Variants in GANAB observed in about 807,000 individuals in gnomAD.
GANAB encodes glucosidase II alpha subunit.
In GANAB, 35 loss-of-function variants were observed where a neutral mutation model predicts 129.9. That is an observed-to-expected ratio of 0.27 (90% CI 0.21 to 0.36). The LOEUF (loss-of-function observed/expected upper bound fraction) is 0.36, where lower values mean the gene tolerates loss of function less well. Among genes scored for constraint, GANAB ranks in the 10% least tolerant of loss-of-function variants. The pLI is 1.00. For missense variants in GANAB, 939 were observed against 1,221.0 expected, an observed-to-expected ratio of 0.77 and a Z score of 3.44; for synonymous variants, 482 against 451.8, an observed-to-expected ratio of 1.07 and a Z score of -0.85.
Position 62,646,582 on chromosome 11 carries a change from TGCCGCTACC to T in GANAB, c.9_17del (p.Val7_Ala9del), listed in dbSNP as rs1405074165. On this transcript the variant is annotated inframe_deletion, in exon 1 of 24. Transcript: ENST00000356638. ...CTCACCGCCTCCTACGCGCCGCCAC[TGCCGCTACC>T]GCCGCCATCTTGTGCAGAGTTTGCT... 5.0e-6 allele frequency: 8 copies of T among 1,613,708 alleles called. No homozygotes were observed. Among genetic ancestry groups the T allele is most frequent in the South Asian group, 1.1e-5 (1 of 91,088 alleles).
chr11:62,639,771 G>T, intron 1 of GANAB, 40 bp from the exon 2 acceptor site: 2 of 1,355,928 alleles, frequency 1.5e-6, no homozygotes, highest in Non-Finnish European at 2.1e-6. Context: ...TCAGCATGGA[G>T]GTCAGAAGGG....
In GANAB at chr11:62,633,277, A is replaced by C; in HGVS notation, c.631-6T>G. 1 of 1,608,872 alleles carries C rather than the reference A, an allele frequency of 6.2e-7. No individual in the cohort carries two copies. Among genetic ancestry groups the C allele is most frequent in the South Asian group, 1.1e-5 (1 of 90,948 alleles). ...TTCCCCTGAGTCTCCTCTGGCTGTT[A>C]AGAAGAAAAGAGGACCACTCTCCAA... On this transcript the variant is annotated splice_region_variant and splice_polypyrimidine_tract_variant and intron_variant, in intron 6 of 23. Transcript: ENST00000356638.
At chr11:62,642,266 G>C (rs1944304927) in intron 1 of GANAB, among the ~76,000 whole-genome samples, 1 of 151,970 alleles carries the variant, frequency 6.6e-6, no homozygotes, top group African/African-American at 2.4e-5. Context: ...TGTTGCCCAG[G>C]CTGGTCTTAA....
chr11:62,640,251 A>AAAAAAAAAAAAAAAC (rs1944175948), intron 1 of GANAB, among the ~76,000 whole-genome samples: 2 of 121,422 alleles, frequency 1.6e-5, no homozygotes, highest in African/African-American at 3.0e-5. Flanking sequence ...AAAAAAAAAA[A>AAAAAAAAAAAAAAAC]AGCCAGGCGC....
At position 62,632,634 on chromosome 11, in the gene GANAB, G is replaced by A. The variant is rs766357143; in HGVS notation, c.927C>T (p.Arg309=). Reference sequence around the variant, plus strand: ...CATTGAGCCAGAAGATGCCCAAGTCGCGATGAGGGTTGTGTGCCAGGAGCA... The same window carrying A: ...CATTGAGCCAGAAGATGCCCAAGTCACGATGAGGGTTGTGTGCCAGGAGCA... ...VPVLLAHNPH[R]DLGIFWLNAA... is the part of the protein sequence containing the mutation. The change falls in exon 9 of 24, where the codon CGC becomes CGT. Residue 309 remains arginine, a synonymous_variant. Coordinates refer to ENST00000356638, the MANE Select transcript of GANAB (RefSeq NM_198334.3). 1.8e-5 allele frequency: 29 copies of A among 1,613,820 alleles called. No homozygotes were observed. Among genetic ancestry groups the A allele is most frequent in the Middle Eastern group, 1.6e-4 (1 of 6,080 alleles).
chr11:62,629,341 C>T (rs775144419), intron 15 of GANAB, 46 bp from the exon 16 acceptor site: 1 of 1,320,152 alleles, frequency 7.6e-7, no homozygotes, highest in East Asian at 2.3e-5. Flanking sequence ...TAAAGGAGTT[C>T]AGCTTTTTAC....
In GANAB at chr11:62,627,177, G is replaced by A. The variant is rs1943431993; in HGVS notation, c.2246-53C>T. 7 of 1,507,652 alleles carry A rather than the reference G, an allele frequency of 4.6e-6. No homozygotes were observed. In the South Asian group the frequency reaches 6.7e-5, roughly 15 times the overall value. The allele number at this position is 1,507,652 out of a possible 1,614,324, so 93.4% of individuals were successfully genotyped here. A position where few individuals can be genotyped will look rare whatever the true frequency, so the allele number is the denominator to read the frequency against. ...TAGGGGGATTAGTTCCCAGAACAGG[G>A]AACACCAAAGTGCCTGCCCTCTGCA... On this transcript the variant is annotated intron_variant, in intron 18 of 23. Coordinates refer to ENST00000356638, the MANE Select transcript of GANAB (RefSeq NM_198334.3).
intron 1 of GANAB, among the ~76,000 whole-genome samples, chr11:62,644,749 G>C (rs1322010953): frequency 6.6e-6 from 1 of 152,132 alleles, no homozygotes; most frequent in Non-Finnish European, 1.5e-5. Flanking sequence ...CTTGAACTCG[G>C]GAGGTGGAAG....
rs1255865163 is a variant in GANAB at position 62,633,450 on chromosome 11, C to T, written c.625G>A (p.Asp209Asn). The T allele has an allele frequency of 2.5e-6, 4 of 1,613,934 alleles. No homozygotes were observed. The highest frequency in any genetic ancestry group is 1.7e-5 in the Admixed American group (1 of 60,014). Residue 209 changes from aspartate (D) to asparagine (N), a missense_variant, in exon 6 of 24, where the codon GAC becomes AAC. Physicochemically the swap from Asp to Asn is conservative, Grantham distance 23. This residue lies in a region of GANAB where 321 missense variants were observed against 329.1 expected (regional missense o/e 0.98). Coordinates refer to ENST00000356638, the MANE Select transcript of GANAB (RefSeq NM_198334.3). ...ACCCACCCGCTCCAACTTGCCTTGT[C>T]GCCATCCCTGGGTGTTTCCTCAGGC... ...AQPEETPRDG[D>N]KPEETQGKAE... is the part of the protein sequence containing the mutation.
In GANAB at chr11:62,631,200, A is replaced by G; in HGVS notation, c.997-17T>C. The G allele has an allele frequency of 6.5e-7, 1 of 1,544,354 alleles. No individual in the cohort carries two copies. The highest frequency in any genetic ancestry group is 1.2e-5 in the South Asian group (1 of 82,734). On this transcript the variant is annotated splice_polypyrimidine_tract_variant and intron_variant, in intron 9 of 23. Transcript: ENST00000356638. ...AAACAGGGTCTGTATAGGTGACCACAAAGGGGTCAGACACCTCCTGCCCTC... is the reference window on the plus strand; with the variant it reads ...AAACAGGGTCTGTATAGGTGACCACGAAGGGGTCAGACACCTCCTGCCCTC...
chr11:62,637,073 G>A (rs1943978985), intron 4 of GANAB, among the ~76,000 whole-genome samples: 1 of 151,898 alleles, frequency 6.6e-6, no homozygotes, highest in African/African-American at 2.4e-5. Context: ...AGTACCTTTA[G>A]GATCATTAAG....
chr11:62,639,332 A>G, intron 3 of GANAB, 27 bp downstream of exon 3: 1 of 1,462,422 alleles, frequency 6.8e-7, no homozygotes, highest in Non-Finnish European at 9.6e-7. Context: ...CCCCACCCCC[A>G]CCAGACTCTT....
intron 4 of GANAB, among the ~76,000 whole-genome samples, chr11:62,638,128 A>G (rs1944032146): frequency 6.6e-6 from 1 of 152,218 alleles, no homozygotes; most frequent in Admixed American, 6.5e-5. Flanking sequence ...GGTACAGGAC[A>G]GTGCGGGTTG....
At chr11:62,643,584 A>G (rs1158089828) in intron 1 of GANAB, among the ~76,000 whole-genome samples, 1 of 152,252 alleles carries the variant, frequency 6.6e-6, no homozygotes, top group Non-Finnish European at 1.5e-5. Flanking sequence ...CAGAGGTTGC[A>G]GTGAGCCAAG....
chr11:62,645,823 T>A (rs967468078), intron 1 of GANAB, among the ~76,000 whole-genome samples: 1 of 152,208 alleles, frequency 6.6e-6, no homozygotes, highest in African/African-American at 2.4e-5. Flanking sequence ...GCTTTCTTCA[T>A]CGCTTTGGAG....
At chr11:62,625,981 A>G (rs572863695) in intron 23 of GANAB, 57 bp from the exon 24 acceptor site, 2 of 1,466,276 alleles carry the variant, frequency 1.4e-6, no homozygotes, top group South Asian at 1.1e-5. Flanking sequence ...GCATAACAAC[A>G]ACGTTCCTAC....
chr11:62,636,039 G>T (rs776333551), intron 4 of GANAB, among the ~76,000 whole-genome samples: 1 of 151,980 alleles, frequency 6.6e-6, no homozygotes, highest in African/African-American at 2.4e-5. Context: ...CACCCAGACT[G>T]GAGTGCAGTG....
chr11:62,626,708 T>A, intron 20 of GANAB, 24 bp from the exon 21 acceptor site: 1 of 1,516,128 alleles, frequency 6.6e-7, no homozygotes, highest in Non-Finnish European at 9.1e-7. Flanking sequence ...AATGCCAGGA[T>A]GAAGTTGCCC....
At chr11:62,639,326 A>AC (rs759045499) in intron 3 of GANAB, 33 bp downstream of exon 3, 4 of 1,409,142 alleles carry the variant, frequency 2.8e-6, no homozygotes, top group Non-Finnish European at 4.0e-6. Flanking sequence ...CCATTGCCCC[A>AC]CCCCCACCAG....
Sources: gnomAD v4.1 joint callset for allele counts (sites outside exome capture counted in the v4.1 genomes callset) on GRCh38, gnomAD v4.1.1 for gene constraint, gnomAD v4.1.1 regional missense constraint, MANE v1.5 for transcripts, NCBI Gene and HGNC (gene_info 2026-07-23, HGNC 2026-07-21) for gene names.